UNK: variants seen among roughly 807,000 people sequenced by gnomAD.
The protein encoded by UNK is unk zinc finger.
Under a neutral mutation model 97.6 loss-of-function variants are expected in UNK, and 32 were observed. The ratio of observed to expected loss-of-function variants is 0.33; its 90% CI spans 0.25 to 0.44. The LOEUF is 0.44. UNK is among the 20% of genes least tolerant of loss of function. The pLI, the probability that UNK is intolerant of heterozygous loss-of-function variation, is 1.00. For synonymous variants in UNK, 441 were observed against 461.2 expected, an observed-to-expected ratio of 0.96 and a Z score of 0.56; for missense variants, 771 against 1,098.4, an observed-to-expected ratio of 0.70 and a Z score of 4.21.
At chr17:75,791,040 T>A (rs1472288161) in intron 1 of UNK, among the ~76,000 whole-genome samples, 1 of 152,222 alleles carries the variant, frequency 6.6e-6, no homozygotes, top group East Asian at 1.9e-4. Flanking sequence ...CCTCAAAGAC[T>A]AATCATGTCT....
At position 75,807,788 on chromosome 17, in the gene UNK, C is replaced by G. The variant is rs529518968; in HGVS notation, c.105-1972C>G. Among the ~76,000 whole-genome samples the G allele has an allele frequency of 6.6e-5, 10 of 151,252 alleles. No homozygotes were observed. In the South Asian group the frequency reaches 2.1e-3, roughly 32 times the overall value. ...ATTTTTAGTAGAGACCGGGTTTCAG[C>G]AGTTTGGCCAGTCTGGTCTTGAACT... On this transcript the variant is annotated intron_variant, in intron 1 of 15. Coordinates refer to ENST00000589666, the MANE Select transcript of UNK (RefSeq NM_001080419.3).
chr17:75,806,279 C>T (rs1370229601), intron 1 of UNK, among the ~76,000 whole-genome samples: 1 of 149,402 alleles, frequency 6.7e-6, no homozygotes, highest in Non-Finnish European at 1.5e-5. Context: ...ATGGTGAAAC[C>T]CCGTCTCTAC....
intron 4 of UNK, 136 bp downstream of exon 4, chr17:75,812,721 A>C (rs1207077483): frequency 1.5e-6 from 2 of 1,340,176 alleles, no homozygotes; most frequent in Non-Finnish European, 9.9e-7. Flanking sequence ...TACACCCACC[A>C]TTCAAAAGGC....
At chr17:75,820,749 A>T (rs2062060136) in intron 13 of UNK, among the ~76,000 whole-genome samples, 1 of 151,984 alleles carries the variant, frequency 6.6e-6, no homozygotes, top group African/African-American at 2.4e-5. Context: ...GTGTCAGGGG[A>T]TGTTCCTGAG....
chr17:75,794,481 A>G (rs2061788397), intron 1 of UNK, among the ~76,000 whole-genome samples: 2 of 152,134 alleles, frequency 1.3e-5, no homozygotes, highest in South Asian at 4.1e-4. Context: ...TACTAAAAAT[A>G]CAAAAAACTA....
intron 1 of UNK, among the ~76,000 whole-genome samples, chr17:75,798,107 G>T (rs2061823303): frequency 7.6e-6 from 1 of 132,272 alleles, no homozygotes. Context: ...TCTTGCTCTT[G>T]TCACCCAGGC....
chr17:75,817,663 T>C lies in UNK; in HGVS notation c.1305+137T>C. The C allele has an allele frequency of 1.0e-6, 1 of 970,376 alleles. No individual in the cohort carries two copies. Among genetic ancestry groups the C allele is most frequent in the Non-Finnish European group, 1.5e-6 (1 of 669,730 alleles). 60.1% of individuals were successfully genotyped at this position (970,376 alleles called of 1,614,324 possible). A position where few individuals can be genotyped will look rare whatever the true frequency, so the allele number is the denominator to read the frequency against. ...CCACTGTCCTCGGCCTCTTCAGGAC[T>C]GAACAGAGGGAGCAGTGTCAGCCCA... On this transcript the variant is annotated intron_variant, in intron 9 of 15. Coordinates refer to ENST00000589666, the MANE Select transcript of UNK (RefSeq NM_001080419.3). This position sits in a 1 kb window ranked among gnomAD's most constrained non-coding sequence, Gnocchi z 5.8.
rs142745700 is a variant in UNK at position 75,793,747 on chromosome 17, A to G, written c.104+8763A>G. 283 of 985,442 alleles carry G rather than the reference A, an allele frequency of 2.9e-4. 2 individuals are homozygous for G. The African/African-American group carries it at 4.7e-3, about 16-fold the overall frequency. The allele number at this position is 985,442 out of a possible 1,614,324, so 61.0% of individuals were successfully genotyped here. A position where few individuals can be genotyped will look rare whatever the true frequency, so the allele number is the denominator to read the frequency against. ...GCATTTGAAACACCATATAGCCACC[A>G]TAAGTCCTGACAAAATGACTTTTAA... On this transcript the variant is annotated intron_variant, in intron 1 of 15. Coordinates refer to ENST00000589666, the MANE Select transcript of UNK (RefSeq NM_001080419.3).
In UNK at chr17:75,793,028, C is replaced by T. The variant is rs536538079; in HGVS notation, c.104+8044C>T. On this transcript the variant is annotated intron_variant, in intron 1 of 15. Coordinates refer to ENST00000589666, the MANE Select transcript of UNK (RefSeq NM_001080419.3). ...CTGTGTATCTATTCTAGTTGAATGC[C>T]GCCATGTTATAAGTCTGTGGAGATG... Among the ~76,000 whole-genome samples the T allele has an allele frequency of 5.3e-5, 8 of 152,246 alleles. No individual in the cohort carries two copies. The South Asian group carries it at 1.2e-3, about 24-fold the overall frequency.
chr17:75,794,280 G>A lies in UNK; in HGVS notation c.104+9296G>A, dbSNP rs549004202. 108 of 674,328 alleles carry A rather than the reference G, an allele frequency of 1.6e-4. No individual in the cohort carries two copies. In the East Asian group the frequency reaches 5.5e-3, roughly 35 times the overall value. The allele number at this position is 674,328 out of a possible 1,614,324, so 41.8% of individuals were successfully genotyped here. ...GAAACTCTCTGACATATTCTAAACA[G>A]CTTTCAGAGAGTCACTGAGGCTTAT... is the stretch of plus-strand genomic sequence containing the variant. On this transcript the variant is annotated intron_variant, in intron 1 of 15. Transcript: ENST00000589666.
intron 1 of UNK, chr17:75,794,012 C>T (rs1047743): frequency 5.1e-6 from 5 of 985,022 alleles, no homozygotes; most frequent in South Asian, 9.4e-5. Context: ...AGGTGCCAGG[C>T]ATCTGGTGAC....
intron 13 of UNK, 121 bp from the exon 14 acceptor site, chr17:75,822,356 T>G (rs2062076662): frequency 7.3e-6 from 9 of 1,233,038 alleles, no homozygotes; most frequent in Admixed American, 2.5e-5. Context: ...GGCCTGACAC[T>G]AGCTGGAGCC....
chr17:75,812,837 T>C (rs1372490697), intron 4 of UNK, among the ~76,000 whole-genome samples: 1 of 152,276 alleles, frequency 6.6e-6, no homozygotes, highest in Non-Finnish European at 1.5e-5. Flanking sequence ...TTTTCCGCCC[T>C]GCAAGAGTGC....
intron 6 of UNK, 73 bp from the exon 7 acceptor site, chr17:75,815,096 T>C (rs941666275): frequency 7.1e-7 from 1 of 1,413,006 alleles, no homozygotes; most frequent in African/African-American, 1.4e-5. Context: ...AGCGCACTCA[T>C]GCTGGAGGAA....
At chr17:75,788,779 C>T (rs958757890) in intron 1 of UNK, among the ~76,000 whole-genome samples, 7 of 151,734 alleles carry the variant, frequency 4.6e-5, no homozygotes, top group Non-Finnish European at 8.8e-5. Flanking sequence ...AAGGCGTGAG[C>T]CTGAGAAGGT....
intron 1 of UNK, among the ~76,000 whole-genome samples, chr17:75,802,049 T>C (rs573701912): frequency 2.0e-5 from 3 of 151,908 alleles, no homozygotes; most frequent in East Asian, 1.9e-4. Flanking sequence ...GGATTCTCCA[T>C]GTTGGCCAGG....
chr17:75,814,178 C>T (rs1392501429), intron 6 of UNK, among the ~76,000 whole-genome samples: 1 of 152,086 alleles, frequency 6.6e-6, no homozygotes, highest in East Asian at 1.9e-4. Flanking sequence ...TTCCACCACT[C>T]ATGGTGCTTG....
rs1399825168 is a variant in UNK, at chr17:75,824,235, G to C, written c.2278-27G>C. ...CAACTTGGGGCCAGACCCATGGATGGTGACCACGATGCCCCTTTCCCTGCA... is the reference window on the plus strand; with the variant it reads ...CAACTTGGGGCCAGACCCATGGATGCTGACCACGATGCCCCTTTCCCTGCA... On this transcript the variant is annotated intron_variant, in intron 15 of 15. Transcript: ENST00000589666. This position sits in a 1 kb window ranked among gnomAD's most constrained non-coding sequence, Gnocchi z 4.9. 3 of 1,563,194 alleles carry C rather than the reference G, an allele frequency of 1.9e-6. No individual in the cohort carries two copies. Among genetic ancestry groups the C allele is most frequent in the Non-Finnish European group, 2.6e-6 (3 of 1,151,020 alleles).
chr17:75,791,965 G>A (rs778478021), intron 1 of UNK: 29 of 985,286 alleles, frequency 2.9e-5, no homozygotes, highest in East Asian at 1.1e-4. Context: ...ACAAAAGCAA[G>A]ATACCCTCGT....
Sources: allele counts gnomAD v4.1 joint callset (sites outside exome capture counted in the v4.1 genomes callset), GRCh38; gene constraint gnomAD v4.1.1; non-coding constraint Gnocchi (gnomAD v3.1); transcripts MANE v1.5; gene names NCBI Gene and HGNC (gene_info 2026-07-23, HGNC 2026-07-21).